The following MYPN variants were observed in gnomAD, a reference collection of about 807,000 sequenced individuals.
The protein encoded by MYPN is sarcomeric protein myopalladin, 145 kDa (MYOP).
Under a neutral mutation model 129.4 loss-of-function variants are expected in MYPN, and 63 were observed. That is an observed-to-expected ratio of 0.49 (90% CI 0.40 to 0.60). MYPN has a LOEUF of 0.60. MYPN is among the 20% of genes least tolerant of loss of function. The probability of loss-of-function intolerance (pLI) is 0.00; values close to 1 mark genes in which losing one functional copy is unlikely to be tolerated. For synonymous variants in MYPN, 629 were observed against 600.9 expected (o/e 1.05, Z -0.68); for missense variants, 1,596 against 1,635.4 (o/e 0.98, Z 0.42).
chr10:68,169,181 T>TAAAAAA (rs59317396), intron 10 of MYPN, among the ~76,000 whole-genome samples: 24 of 91,070 alleles, frequency 2.6e-4, no homozygotes, highest in African/African-American at 1.4e-3. Flanking sequence ...CCGTCTCTAC[T>TAAAAAA]AAAAAAAAAA....
chr10:68,176,363 T>G (rs569608075), intron 12 of MYPN, among the ~76,000 whole-genome samples: 1 of 152,344 alleles, frequency 6.6e-6, no homozygotes, highest in South Asian at 2.1e-4. Context: ...TACATTATAA[T>G]AATCTAACTC....
Position 68,121,968 on chromosome 10 carries a change from C to G in MYPN, c.530C>G (p.Ala177Gly). 1 of 1,614,230 alleles carries G rather than the reference C, an allele frequency of 6.2e-7. No homozygotes were observed. Among genetic ancestry groups the G allele is most frequent in the South Asian group, 1.1e-5 (1 of 91,084 alleles). The change falls in exon 2 of 20, where the codon GCC becomes GGC. Residue 177 changes from alanine to glycine, a missense_variant. By Grantham distance (60) the Ala-to-Gly change is moderately conservative. Coordinates refer to ENST00000358913, the MANE Select transcript of MYPN (RefSeq NM_032578.4). ...AGCTCCAAAAGGATTAGACCTCGTG[C>G]CTGCAAAAACCACAAGAGTAAACTG... ...SHSSKRIRPRACKNHKSKLES... is the reference protein window; with the variant it reads ...SHSSKRIRPRGCKNHKSKLES...
chr10:68,188,243 G>A (rs61857179), intron 12 of MYPN, among the ~76,000 whole-genome samples: 17,199 of 152,094 alleles, frequency 0.11, 1,264 homozygotes, highest in Admixed American at 0.17. Flanking sequence ...ACCAGTAGCT[G>A]GGATTATAGG....
At chr10:68,183,428 C>T (rs2043370857) in intron 12 of MYPN, among the ~76,000 whole-genome samples, 1 of 151,978 alleles carries the variant, frequency 6.6e-6, no homozygotes, top group Non-Finnish European at 1.5e-5. Flanking sequence ...CACCGCTGCA[C>T]TCCAGCCTGG....
At chr10:68,095,801 T>G (rs1379113541) in intron 1 of MYPN, among the ~76,000 whole-genome samples, 1 of 152,172 alleles carries the variant, frequency 6.6e-6, no homozygotes, top group Non-Finnish European at 1.5e-5. Context: ...TACAGAGGTT[T>G]AATTTTGCGA....
Position 68,147,163 on chromosome 10 carries a change from T to G in MYPN, c.1131-1190T>G, listed in dbSNP as rs540758365. Among the ~76,000 whole-genome samples, 18 of 152,250 alleles carry G rather than the reference T, an allele frequency of 1.2e-4. No homozygotes were observed. In the South Asian group the frequency reaches 1.5e-3, roughly 12 times the overall value. ...GATAAGAATTTTTTTATTATTTATT[T>G]GTTTATTTTGAGACAGAGTGTTGCT... On this transcript the variant is annotated intron_variant, in intron 4 of 19. Transcript: ENST00000358913.
chr10:68,159,070 T>A (rs1025076890), intron 7 of MYPN, among the ~76,000 whole-genome samples: 1 of 152,218 alleles, frequency 6.6e-6, no homozygotes, highest in African/African-American at 2.4e-5. Flanking sequence ...AATAAATTTC[T>A]AGTATGAGAA....
At chr10:68,193,780 T>C (rs1057492993) in intron 13 of MYPN, among the ~76,000 whole-genome samples, 1 of 150,772 alleles carries the variant, frequency 6.6e-6, no homozygotes, top group Non-Finnish European at 1.5e-5. Context: ...AGGAAATATA[T>C]AGATAGATGT....
intron 12 of MYPN, among the ~76,000 whole-genome samples, chr10:68,179,136 G>A (rs927714103): frequency 6.6e-6 from 1 of 151,960 alleles, no homozygotes; most frequent in African/African-American, 2.4e-5. Context: ...TTCTATTTAA[G>A]TCTTTCCTCT....
chr10:68,099,243 T>A (rs1338625268), intron 1 of MYPN, among the ~76,000 whole-genome samples: 1 of 151,930 alleles, frequency 6.6e-6, no homozygotes, highest in East Asian at 1.9e-4. Flanking sequence ...AAAATCTGAG[T>A]TTTACTGCTG....
Position 68,201,910 on chromosome 10 carries a change from A to G in MYPN, c.3575A>G (p.Glu1192Gly). The G allele has an allele frequency of 6.2e-7, 1 of 1,614,154 alleles. No individual in the cohort carries two copies. Among genetic ancestry groups the G allele is most frequent in the Non-Finnish European group, 8.5e-7 (1 of 1,180,020 alleles). Residue 1192 changes from glutamate to glycine, a missense_variant, in exon 18 of 20, where the codon GAG becomes GGG. By Grantham distance (98) the Glu-to-Gly change is moderately conservative (BLOSUM62 -2). Transcript: ENST00000358913. ...CCCGAAGGCCACCCCGTGAGACTGG[A>G]GTGCCGCGTGATAGGCATGCCCCCA... The part of the protein sequence containing the change: ...GVPEGHPVRL[E>G]CRVIGMPPPV...
chr10:68,101,107 T>G (rs570885721), intron 1 of MYPN, among the ~76,000 whole-genome samples: 56 of 152,170 alleles, frequency 3.7e-4, no homozygotes, highest in Non-Finnish European at 7.5e-4. Flanking sequence ...AGATTAGAAC[T>G]GAGTGACCTA....
chr10:68,169,035 G>A, intron 10 of MYPN, among the ~76,000 whole-genome samples: 1 of 137,372 alleles, frequency 7.3e-6, no homozygotes, highest in Non-Finnish European at 1.5e-5. Context: ...TGTTTCATGA[G>A]ATTTTATGGC....
intron 15 of MYPN, among the ~76,000 whole-genome samples, chr10:68,196,349 G>A (rs1402657667): frequency 6.6e-6 from 1 of 152,120 alleles, no homozygotes; most frequent in Non-Finnish European, 1.5e-5. Flanking sequence ...ATCTTACGGT[G>A]CCACGAAGTC....
chr10:68,177,629 G>T (rs926674411), intron 12 of MYPN, among the ~76,000 whole-genome samples: 1 of 152,178 alleles, frequency 6.6e-6, no homozygotes, highest in Non-Finnish European at 1.5e-5. Flanking sequence ...ACCCACGCTG[G>T]TGAAGTTAAG....
chr10:68,139,199 A>G (rs757922377), intron 2 of MYPN, among the ~76,000 whole-genome samples: 5 of 152,172 alleles, frequency 3.3e-5, no homozygotes, highest in Non-Finnish European at 7.3e-5. Context: ...CTAAAAGCTC[A>G]TGTTCCAAAC....
intron 15 of MYPN, 66 bp downstream of exon 15, chr10:68,195,598 CA>C: frequency 1.6e-6 from 2 of 1,239,504 alleles, no homozygotes; most frequent in Non-Finnish European, 2.4e-6. Context: ...TCGTGAGCAC[CA>C]AAGTACTGGA....
chr10:68,118,068 A>G (rs1291106543), intron 1 of MYPN, among the ~76,000 whole-genome samples: 2 of 152,162 alleles, frequency 1.3e-5, no homozygotes, highest in Non-Finnish European at 2.9e-5. Context: ...TATTTTGAAT[A>G]CCTGAAAGTT....
At chr10:68,162,751 T>C (rs1589574493) in intron 8 of MYPN, among the ~76,000 whole-genome samples, 1 of 151,034 alleles carries the variant, frequency 6.6e-6, no homozygotes, top group Admixed American at 6.6e-5. Context: ...AGGTTGGGAG[T>C]TCAAGACCAG....
Sources: allele counts gnomAD v4.1 joint callset (sites outside exome capture counted in the v4.1 genomes callset), GRCh38; gene constraint gnomAD v4.1.1; transcripts MANE v1.5; gene names NCBI Gene and HGNC (gene_info 2026-07-23, HGNC 2026-07-21).